Variants in M1AP observed in about 807,000 individuals in gnomAD.
M1AP encodes meiosis 1 associated protein.
Under a neutral mutation model 51.2 loss-of-function variants are expected in M1AP, and 39 were observed. The ratio of observed to expected loss-of-function variants is 0.76; its 90% CI spans 0.59 to 1.00. The LOEUF is 1.00. M1AP is among the 50% of genes least tolerant of loss of function. The probability of loss-of-function intolerance (pLI) is 0.00; values close to 1 mark genes in which losing one functional copy is unlikely to be tolerated. For missense variants in M1AP, 545 were observed against 641.2 expected (o/e 0.85, Z 1.62); for synonymous variants, 251 against 249.2 (o/e 1.01, Z -0.07).
At position 74,575,560 on chromosome 2, in the gene M1AP, G is replaced by A. The variant is rs371314363; in HGVS notation, c.952C>T (p.Leu318Phe). 8.1e-6 allele frequency: 13 copies of A among 1,614,026 alleles called. No homozygotes were observed. Among genetic ancestry groups the A allele is most frequent in the Non-Finnish European group, 1.1e-5 (13 of 1,179,958 alleles). The change falls in exon 7 of 11, where the codon CTC (leucine) becomes TTC (phenylalanine). Residue 318 changes from leucine to phenylalanine, a missense_variant. By Grantham distance (22) the Leu-to-Phe change is conservative. Coordinates refer to ENST00000421985, the MANE Select transcript of M1AP (RefSeq NM_001321739.2). ...AGTCCATATGTCAATGACTCGCAGA[G>A]CCCGCTAGATTTTAAAGCCCTAGGA... ...QVIKALKSSG[L>F]CESLTYGLPF...
intron 4 of M1AP, among the ~76,000 whole-genome samples, chr2:74,606,587 AGT>A (rs987137373): frequency 9.2e-5 from 14 of 151,664 alleles, no homozygotes; most frequent in African/African-American, 2.4e-4. Flanking sequence ...ATATTAAGAG[AGT>A]GTGTGTGTGT....
chr2:74,558,255 G>C lies in M1AP; in HGVS notation c.*461C>G, dbSNP rs1426628188. On this transcript the variant is annotated 3_prime_UTR_variant, in exon 11 of 11. Transcript: ENST00000421985. ...GGAGGCTGAAGCCTGGTGGTGTAGT[G>C]GGAAGGGCACAGGCTCTGAAATGAG... The C allele has an allele frequency of 1.2e-5, 2 of 164,766 alleles. No individual in the cohort carries two copies. The highest frequency in any genetic ancestry group is 2.6e-5 in the Non-Finnish European group (2 of 76,978). 10.2% of individuals were successfully genotyped at this position (164,766 alleles called of 1,614,324 possible).
At chr2:74,571,490 A>C (rs956827481) in intron 7 of M1AP, among the ~76,000 whole-genome samples, 2 of 152,226 alleles carry the variant, frequency 1.3e-5, no homozygotes. Context: ...AGAATAAAAA[A>C]CCAAAGATGG....
intron 4 of M1AP, among the ~76,000 whole-genome samples, chr2:74,603,068 TTGAGAACCCAA>T (rs1424625846): frequency 6.6e-6 from 1 of 152,186 alleles, no homozygotes. Context: ...CAGATTCATT[TTGAGAACCCAA>T]TGAGAAGGGC....
intron 10 of M1AP, 112 bp from the exon 11 acceptor site, chr2:74,558,986 G>GA: frequency 9.3e-7 from 1 of 1,077,836 alleles, no homozygotes; most frequent in Non-Finnish European, 1.3e-6. Context: ...TCCCTGGAGT[G>GA]ACAGCCTCAA....
intron 1 of M1AP, among the ~76,000 whole-genome samples, chr2:74,647,085 GA>G (rs1285628602): frequency 7.2e-5 from 11 of 152,132 alleles, no homozygotes; most frequent in Non-Finnish European, 1.3e-4. Flanking sequence ...GTTAAAACTG[GA>G]ACTGGGCCTT....
Position 74,575,462 on chromosome 2 carries a change from G to A in M1AP, c.1050C>T (p.Phe350=). The change falls in exon 7 of 11, where the codon TTC becomes TTT. Residue 350 remains phenylalanine, a synonymous_variant. Coordinates refer to ENST00000421985, the MANE Select transcript of M1AP (RefSeq NM_001321739.2). ...CCAGCAGGCTGTGACACAAAGCATGGAAATGTTGCTGATTTGTCTCCAGCT... is the reference window on the plus strand; with the variant it reads ...CCAGCAGGCTGTGACACAAAGCATGAAAATGTTGCTGATTTGTCTCCAGCT... ...WDELETNQQH[F]HALCHSLLKR... 1.2e-6 allele frequency: 2 copies of A among 1,614,148 alleles called. No individual in the cohort carries two copies. The highest frequency in any genetic ancestry group is 1.7e-6 in the Non-Finnish European group (2 of 1,180,022).
intron 4 of M1AP, among the ~76,000 whole-genome samples, chr2:74,590,500 T>C (rs1679979203): frequency 3.3e-5 from 5 of 152,144 alleles, no homozygotes; most frequent in Admixed American, 3.3e-4. Context: ...CTAAGATAGG[T>C]CCCAAATACT....
At chr2:74,638,755 T>C (rs7606653) in intron 2 of M1AP, among the ~76,000 whole-genome samples, 9,234 of 152,256 alleles carry the variant, frequency 0.061, 827 homozygotes, top group African/African-American at 0.2. Context: ...ACTGACATCT[T>C]GGCTACAATC....
intron 2 of M1AP, among the ~76,000 whole-genome samples, chr2:74,625,425 A>C (rs1424002245): frequency 6.6e-6 from 1 of 152,066 alleles, no homozygotes; most frequent in Non-Finnish European, 1.5e-5. Flanking sequence ...ATATATTATT[A>C]ATCTTTTATT....
chr2:74,608,270 C>T (rs760385393), intron 3 of M1AP, among the ~76,000 whole-genome samples: 5 of 152,176 alleles, frequency 3.3e-5, no homozygotes, highest in Non-Finnish European at 7.4e-5. Flanking sequence ...CCTTGGCAAC[C>T]ATTGATCTTT....
intron 2 of M1AP, among the ~76,000 whole-genome samples, chr2:74,638,746 C>T (rs919305822): frequency 1.3e-5 from 2 of 152,228 alleles, no homozygotes; most frequent in Admixed American, 6.5e-5. Context: ...TTTCAGATGA[C>T]TGACATCTTG....
At chr2:74,571,055 G>A (rs566884197) in intron 7 of M1AP, among the ~76,000 whole-genome samples, 1 of 152,284 alleles carries the variant, frequency 6.6e-6, no homozygotes, top group African/African-American at 2.4e-5. Context: ...ATTGAGTATT[G>A]ATACATAGAA....
intron 7 of M1AP, among the ~76,000 whole-genome samples, chr2:74,575,095 C>T (rs1445662741): frequency 6.6e-6 from 1 of 152,162 alleles, no homozygotes; most frequent in African/African-American, 2.4e-5. Context: ...ACTAAATGCT[C>T]TTCATTTAAA....
chr2:74,560,231 G>C lies in M1AP; in HGVS notation c.1342C>G (p.Leu448Val). The change falls in exon 9 of 11, where the codon CTG becomes GTG. Residue 448 changes from leucine to valine, a missense_variant. Leu to Val is a conservative substitution (Grantham distance 32, BLOSUM62 1). Transcript: ENST00000421985. The stretch of plus-strand genomic sequence containing the variant: ...TAGATGCTGCTCAGGTGTGAGTACA[G>C]GTGGCTTTGAACATGCAAGGGGTTG... ...TYNPLHVQSH[L>V]YSHLSSIYAK... 1 of 1,613,866 alleles carries C rather than the reference G, an allele frequency of 6.2e-7. No individual in the cohort carries two copies. Among genetic ancestry groups the C allele is most frequent in the Admixed American group, 1.7e-5 (1 of 59,958 alleles).
At chr2:74,577,573 T>A (rs962756885) in intron 5 of M1AP, among the ~76,000 whole-genome samples, 2 of 152,030 alleles carry the variant, frequency 1.3e-5, no homozygotes, top group Non-Finnish European at 2.9e-5. Context: ...TAGAAAAAAA[T>A]AGAGTGGCAG....
chr2:74,605,049 T>A (rs917452073), intron 4 of M1AP, among the ~76,000 whole-genome samples: 1 of 149,212 alleles, frequency 6.7e-6, no homozygotes, highest in Non-Finnish European at 1.5e-5. Context: ...AAAACTAGAC[T>A]TTTTTTTTTC....
intron 4 of M1AP, among the ~76,000 whole-genome samples, chr2:74,582,567 A>G (rs915261658): frequency 3.9e-5 from 6 of 152,230 alleles, no homozygotes; most frequent in African/African-American, 1.4e-4. Context: ...CTACATATAT[A>G]TATGTAAATG....
intron 2 of M1AP, among the ~76,000 whole-genome samples, chr2:74,631,523 A>G (rs1179492214): frequency 6.6e-6 from 1 of 152,128 alleles, no homozygotes; most frequent in East Asian, 1.9e-4. Context: ...ATTACTTGTC[A>G]CCTTGAAGTG....
Sources: gnomAD v4.1 joint callset for allele counts (sites outside exome capture counted in the v4.1 genomes callset) on GRCh38, gnomAD v4.1.1 for gene constraint, MANE v1.5 for transcripts, NCBI Gene and HGNC (gene_info 2026-07-23, HGNC 2026-07-21) for gene names.